Variants in METTL9 observed in about 807,000 individuals in gnomAD.
METTL9 encodes the protein protein-L-histidine N-pros-methyltransferase.
In METTL9, 10 loss-of-function variants were observed where a neutral mutation model predicts 36.0. The observed-to-expected ratio is 0.28, with a 90% CI of 0.17 to 0.47. The LOEUF (loss-of-function observed/expected upper bound fraction) is 0.47, where lower values mean the gene tolerates loss of function less well. Ranked by LOEUF, METTL9 falls within the 20% of genes least tolerant of loss-of-function variation. The pLI, the probability that METTL9 is intolerant of heterozygous loss-of-function variation, is 0.99. For missense variants in METTL9, 246 were observed against 383.5 expected (o/e 0.64, Z 3.00); for synonymous variants, 175 against 149.7 (o/e 1.17, Z -1.23).
At chr16:21,652,935 C>G (rs1374000145) in intron 4 of METTL9, 1 of 240,250 alleles carries the variant, frequency 4.2e-6, no homozygotes, top group Non-Finnish European at 8.0e-6. Context: ...CAGAACAGTT[C>G]AGTCACTGTC....
At chr16:21,611,061 C>T (rs1965414503) in intron 1 of METTL9, among the ~76,000 whole-genome samples, 1 of 151,904 alleles carries the variant, frequency 6.6e-6, no homozygotes, top group South Asian at 2.1e-4. Context: ...AAAATGTAGG[C>T]AGTGAATGTA....
chr16:21,615,366 A>G (rs947279334), intron 2 of METTL9, among the ~76,000 whole-genome samples: 2 of 152,036 alleles, frequency 1.3e-5, no homozygotes, highest in African/African-American at 4.8e-5. Context: ...GGTAGCTGGG[A>G]CTAGAGGCTC....
intron 3 of METTL9, among the ~76,000 whole-genome samples, chr16:21,621,139 TGA>T (rs200770003): frequency 6.6e-6 from 1 of 150,914 alleles, no homozygotes; most frequent in East Asian, 1.9e-4. Flanking sequence ...CTGGCTAATT[TGA>T]GAGAGAGAGT....
chr16:21,603,089 TTACAGAATAAAGAC>T (rs1303561429), intron 1 of METTL9, among the ~76,000 whole-genome samples: 1 of 152,286 alleles, frequency 6.6e-6, no homozygotes, highest in East Asian at 1.9e-4. Context: ...ACGTGGCTTC[TTACAGAATAAAGAC>T]TTTTTCCAAG....
chr16:21,598,208 G>A (rs952975739), upstream of METTL9, among the ~76,000 whole-genome samples: 1 of 151,992 alleles, frequency 6.6e-6, no homozygotes, highest in Middle Eastern at 3.2e-3. Flanking sequence ...AATTAGCTGG[G>A]CATGGTGGCG....
chr16:21,619,379 A>T (rs1000197427), intron 3 of METTL9, among the ~76,000 whole-genome samples: 1 of 150,710 alleles, frequency 6.6e-6, no homozygotes, highest in African/African-American at 2.4e-5. Context: ...ATCAGTGTTA[A>T]TCTTGGTTTT....
chr16:21,615,051 A>G, intron 2 of METTL9, among the ~76,000 whole-genome samples: 1 of 152,168 alleles, frequency 6.6e-6, no homozygotes, highest in African/African-American at 2.4e-5. Flanking sequence ...CCTTGTGATT[A>G]CTGGAAACTC....
At chr16:21,597,381 A>AATTT, upstream of METTL9, 2 of 882,302 alleles carry the variant, frequency 2.3e-6, no homozygotes, top group Non-Finnish European at 1.6e-6. Context: ...GTGCCTGCTA[A>AATTT]ATGTAAATAG....
At chr16:21,646,337 G>A (rs1343833709) in intron 4 of METTL9, 1 of 152,102 alleles carries the variant, frequency 6.6e-6, no homozygotes, top group Non-Finnish European at 1.5e-5. Context: ...AGGCAGAATG[G>A]GAAGGGTCAG....
chr16:21,634,059 C>T (rs1966026583), intron 4 of METTL9, among the ~76,000 whole-genome samples: 2 of 152,148 alleles, frequency 1.3e-5, no homozygotes, highest in Admixed American at 6.5e-5. Flanking sequence ...TCAGGCTTAA[C>T]AAGAAAGGCA....
intron 1 of METTL9, among the ~76,000 whole-genome samples, chr16:21,607,264 G>A (rs1373884487): frequency 3.9e-5 from 6 of 152,028 alleles, no homozygotes; most frequent in East Asian, 1.9e-4. Context: ...TAGTAGAGAC[G>A]GGGTTTCACC....
At chr16:21,642,825 C>T (rs759739750) in intron 4 of METTL9, among the ~76,000 whole-genome samples, 6 of 152,132 alleles carry the variant, frequency 3.9e-5, no homozygotes, top group Non-Finnish European at 7.4e-5. Context: ...AAACATTGCT[C>T]GTGTCTAATG....
rs149332 is a variant in METTL9, at chr16:21,611,578, C to T, written c.166-1067C>T. On this transcript the variant is annotated intron_variant, in intron 1 of 4. Transcript: ENST00000358154. ...CTCAGGCTATGTTAGAGGAATCTCA[C>T]TGCTATTATTATTGTAGGATTCTCA... Among the ~76,000 whole-genome samples, 1,347 of 152,280 alleles carry T rather than the reference C, an allele frequency of 8.8e-3. 46 individuals are homozygous for T. The highest frequency in any genetic ancestry group is 0.082 in the East Asian group (428 of 5,192).
At chr16:21,609,445 A>G (rs1380247088) in intron 1 of METTL9, among the ~76,000 whole-genome samples, 1 of 152,198 alleles carries the variant, frequency 6.6e-6, no homozygotes, top group Non-Finnish European at 1.5e-5. Context: ...TGTAAATATT[A>G]CCAAAGGGAC....
chr16:21,617,752 G>A, intron 2 of METTL9, 113 bp from the exon 3 acceptor site: 2 of 940,014 alleles, frequency 2.1e-6, no homozygotes, highest in Middle Eastern at 2.4e-4. Context: ...TCTTAACCAT[G>A]TAATAAGTGA....
chr16:21,625,471 G>A (rs779282155), intron 4 of METTL9, among the ~76,000 whole-genome samples: 19 of 152,074 alleles, frequency 1.2e-4, no homozygotes, highest in Non-Finnish European at 2.5e-4. Flanking sequence ...AAATCTGGTC[G>A]TATATACTTG....
At chr16:21,648,183 G>T (rs1966479083) in intron 4 of METTL9, among the ~76,000 whole-genome samples, 1 of 152,146 alleles carries the variant, frequency 6.6e-6, no homozygotes, top group Non-Finnish European at 1.5e-5. Context: ...GTTTCTCCCT[G>T]GCGTGTGTGC....
chr16:21,611,687 A>G lies in METTL9; in HGVS notation c.166-958A>G, dbSNP rs1160731428. Among the ~76,000 whole-genome samples, 7 of 152,298 alleles carry G rather than the reference A, an allele frequency of 4.6e-5. No individual in the cohort carries two copies. In the East Asian group the frequency reaches 1.2e-3, roughly 25 times the overall value. On this transcript the variant is annotated intron_variant, in intron 1 of 4. Coordinates refer to ENST00000358154, the MANE Select transcript of METTL9 (RefSeq NM_016025.5). ...TACCCTGCCAGGATATATAGACCCCAGTGACATCTCTAGTCTACAAATGAA... is the reference window on the plus strand; with the variant it reads ...TACCCTGCCAGGATATATAGACCCCGGTGACATCTCTAGTCTACAAATGAA...
Position 21,599,860 on chromosome 16 carries a change from C to G in METTL9, c.127C>G (p.Pro43Ala). Residue 43 changes from proline (P) to alanine (A), a missense_variant, in exon 1 of 5, where the codon CCG (proline) becomes GCG (alanine). Pro to Ala is a conservative substitution (Grantham distance 27, BLOSUM62 -1). Transcript: ENST00000358154. This position sits in a 1 kb window ranked among gnomAD's most constrained non-coding sequence, Gnocchi z 4.4. ...GAACATGACTAGCGGCCCGGGTGGG[C>G]CGGCGGCGGCCGCGGGCGGCAGGAA... is the stretch of plus-strand genomic sequence containing the variant. ...YVNMTSGPGG[P>A]AAAAGGRKEN... 6.7e-7 allele frequency: 1 copy of G among 1,491,650 alleles called. No individual in the cohort carries two copies. Among genetic ancestry groups the G allele is most frequent in the South Asian group, 1.3e-5 (1 of 79,212 alleles). The allele number at this position is 1,491,650 out of a possible 1,614,324, so 92.4% of individuals were successfully genotyped here.
Sources: gnomAD v4.1 joint callset for allele counts (sites outside exome capture counted in the v4.1 genomes callset) on GRCh38, gnomAD v4.1.1 for gene constraint, Gnocchi (gnomAD v3.1) non-coding constraint, MANE v1.5 for transcripts, NCBI Gene and HGNC (gene_info 2026-07-23, HGNC 2026-07-21) for gene names.